Variants in MET observed in about 807,000 individuals in gnomAD.
MET encodes hepatocyte growth factor receptor.
Under a neutral mutation model 133.1 loss-of-function variants are expected in MET, and 48 were observed. The ratio of observed to expected loss-of-function variants is 0.36; its 90% CI spans 0.29 to 0.46. The LOEUF (loss-of-function observed/expected upper bound fraction) is 0.46, where lower values mean the gene tolerates loss of function less well. Ranked by LOEUF, MET falls within the 20% of genes least tolerant of loss-of-function variation. The probability of loss-of-function intolerance (pLI) is 1.00; values close to 1 mark genes in which losing one functional copy is unlikely to be tolerated. For missense variants in MET, 1,442 were observed against 1,695.9 expected (o/e 0.85, Z 2.63); for synonymous variants, 628 against 616.5 (o/e 1.02, Z -0.28).
chr7:116,684,503 G>C (rs1006550291), intron 1 of MET, among the ~76,000 whole-genome samples: 1 of 152,224 alleles, frequency 6.6e-6, no homozygotes. Flanking sequence ...GCACATAGGA[G>C]AGTTCCTAAT....
chr7:116,733,396 A>T (rs958932854), intron 3 of MET, among the ~76,000 whole-genome samples: 16 of 149,334 alleles, frequency 1.1e-4, no homozygotes, highest in African/African-American at 3.9e-4. Flanking sequence ...CCAGTTTTGT[A>T]TGAATAAGCT....
intron 1 of MET, among the ~76,000 whole-genome samples, chr7:116,696,744 G>T (rs1054834161): frequency 3.9e-5 from 6 of 152,200 alleles, no homozygotes; most frequent in Non-Finnish European, 8.8e-5. Flanking sequence ...CAGATAATGT[G>T]CAAAGTTTAT....
chr7:116,685,745 T>C (rs1454435277), intron 1 of MET, among the ~76,000 whole-genome samples: 1 of 152,082 alleles, frequency 6.6e-6, no homozygotes, highest in Non-Finnish European at 1.5e-5. Context: ...GGTCTCCTCA[T>C]ATCCTACAAA....
At chr7:116,691,729 C>A (rs1222938520) in intron 1 of MET, among the ~76,000 whole-genome samples, 1 of 152,132 alleles carries the variant, frequency 6.6e-6, no homozygotes, top group African/African-American at 2.4e-5. Context: ...AAGTTAACAT[C>A]ATCTTTAGTG....
chr7:116,780,237 A>G (rs1301375929), intron 17 of MET, among the ~76,000 whole-genome samples: 1 of 152,004 alleles, frequency 6.6e-6, no homozygotes, highest in Admixed American at 6.5e-5. Flanking sequence ...AATCTCAAGA[A>G]CTGAATTCAT....
At chr7:116,779,481 C>T (rs547920218) in intron 17 of MET, among the ~76,000 whole-genome samples, 23 of 152,336 alleles carry the variant, frequency 1.5e-4, no homozygotes, top group African/African-American at 5.3e-4. Context: ...GTAATGCCAT[C>T]TTCAACATAA....
At chr7:116,767,031 A>G (rs939392539) in intron 11 of MET, among the ~76,000 whole-genome samples, 3 of 151,910 alleles carry the variant, frequency 2.0e-5, no homozygotes, top group Non-Finnish European at 4.4e-5. Context: ...TCACCCCCTC[A>G]CCACCACCTC....
intron 2 of MET, among the ~76,000 whole-genome samples, chr7:116,714,347 A>C (rs967479578): frequency 2.0e-5 from 3 of 152,216 alleles, no homozygotes; most frequent in African/African-American, 7.2e-5. Flanking sequence ...ATATAAACCC[A>C]TATACACATA....
intron 3 of MET, 130 bp from the exon 4 acceptor site, chr7:116,739,820 A>G (rs1248176452): frequency 1.6e-6 from 2 of 1,255,568 alleles, no homozygotes; most frequent in East Asian, 2.3e-5. Flanking sequence ...AATGAGGGGA[A>G]CTGTTGGGTC....
intron 2 of MET, among the ~76,000 whole-genome samples, chr7:116,703,138 T>G (rs1214771086): frequency 6.6e-6 from 1 of 152,184 alleles, no homozygotes; most frequent in Non-Finnish European, 1.5e-5. Context: ...TCTCCACATA[T>G]GATGCTGTTT....
intron 16 of MET, among the ~76,000 whole-genome samples, chr7:116,777,929 C>T (rs892266201): frequency 6.6e-6 from 1 of 152,162 alleles, no homozygotes; most frequent in African/African-American, 2.4e-5. Flanking sequence ...ATTGAAAAAT[C>T]ATAAGTATGG....
intron 18 of MET, 38 bp from the exon 19 acceptor site, chr7:116,783,266 A>C: frequency 7.4e-6 from 12 of 1,612,780 alleles, no homozygotes; most frequent in Non-Finnish European, 1.0e-5. Context: ...AAATTATTCT[A>C]TTTCAGCCAC....
Position 116,780,199 on chromosome 7 carries a change from G to C in MET, c.3522+1242G>C, listed in dbSNP as rs562334254. Among the ~76,000 whole-genome samples, 12 of 152,178 alleles carry C rather than the reference G, an allele frequency of 7.9e-5. No homozygotes were observed. In the East Asian group the frequency reaches 2.3e-3, roughly 29 times the overall value. ...TTATGCCAGGACCTAAAAGTCACCAGGCCAGGACCAGGGAGGGTGGGAATA... is the reference window on the plus strand; with the variant it reads ...TTATGCCAGGACCTAAAAGTCACCACGCCAGGACCAGGGAGGGTGGGAATA... On this transcript the variant is annotated intron_variant, in intron 17 of 20. Transcript: ENST00000397752.
intron 1 of MET, among the ~76,000 whole-genome samples, chr7:116,687,120 CCT>C (rs1796590340): frequency 6.6e-6 from 1 of 152,054 alleles, no homozygotes; most frequent in Admixed American, 6.6e-5. Context: ...AATTTCTTGC[CCT>C]CTCTTCTCTC....
chr7:116,687,221 G>A (rs1332657678), intron 1 of MET, among the ~76,000 whole-genome samples: 1 of 152,138 alleles, frequency 6.6e-6, no homozygotes, highest in Non-Finnish European at 1.5e-5. Flanking sequence ...GATGAGTTAC[G>A]TAAATGCAAT....
At chr7:116,747,471 CA>C (rs1410752181) in intron 5 of MET, among the ~76,000 whole-genome samples, 2 of 152,132 alleles carry the variant, frequency 1.3e-5, no homozygotes, top group African/African-American at 4.8e-5. Context: ...GCAGGGGTTG[CA>C]ATCCTAGTCT....
intron 2 of MET, among the ~76,000 whole-genome samples, chr7:116,716,207 T>A (rs904598041): frequency 2.0e-5 from 3 of 149,138 alleles, no homozygotes; most frequent in Non-Finnish European, 4.4e-5. Context: ...GAGCCAAGAT[T>A]GTGCCACTGC....
intron 16 of MET, among the ~76,000 whole-genome samples, chr7:116,778,475 G>A (rs528372333): frequency 1.2e-4 from 18 of 152,306 alleles, no homozygotes; most frequent in African/African-American, 4.3e-4. Context: ...GACCATGAGG[G>A]AAATAAATGG....
chr7:116,709,397 C>T (rs1791913074), intron 2 of MET, among the ~76,000 whole-genome samples: 1 of 152,126 alleles, frequency 6.6e-6, no homozygotes, highest in African/African-American at 2.4e-5. Context: ...TCTATGTGTT[C>T]ACACGATAAA....
Sources: allele counts gnomAD v4.1 joint callset (sites outside exome capture counted in the v4.1 genomes callset), GRCh38; gene constraint gnomAD v4.1.1; transcripts MANE v1.5; gene names NCBI Gene and HGNC (gene_info 2026-07-23, HGNC 2026-07-21).